Variants in PIBF1 observed in about 807,000 individuals in gnomAD.
PIBF1 encodes the protein progesterone-induced-blocking factor 1.
A neutral mutation model predicts 112.5 loss-of-function variants in PIBF1; 90 were observed. The ratio of observed to expected loss-of-function variants is 0.80; its 90% CI spans 0.67 to 0.95. PIBF1 has a LOEUF of 0.95. Ranked by LOEUF, PIBF1 falls within the 40% of genes least tolerant of loss-of-function variation. The probability of loss-of-function intolerance (pLI) is 0.00; values close to 1 mark genes in which losing one functional copy is unlikely to be tolerated. For missense variants in PIBF1, 915 were observed against 852.3 expected, an observed-to-expected ratio of 1.07 and a Z score of -0.92; for synonymous variants, 301 against 288.6, an observed-to-expected ratio of 1.04 and a Z score of -0.44.
intron 3 of PIBF1, among the ~76,000 whole-genome samples, chr13:72,794,643 T>G (rs912851241): frequency 1.3e-5 from 2 of 151,996 alleles, no homozygotes; most frequent in East Asian, 3.9e-4. Context: ...TAAATGGGAG[T>G]TCCCCTGCAC....
At chr13:72,828,954 A>T (rs1222666627) in intron 8 of PIBF1, among the ~76,000 whole-genome samples, 1 of 152,124 alleles carries the variant, frequency 6.6e-6, no homozygotes, top group African/African-American at 2.4e-5. Context: ...TTGTTTCCTG[A>T]CTTTTTAATG....
At chr13:72,981,154 A>G (rs1480243959) in intron 16 of PIBF1, among the ~76,000 whole-genome samples, 1 of 151,876 alleles carries the variant, frequency 6.6e-6, no homozygotes. Flanking sequence ...CTGCGGCAGG[A>G]GAATCACTTG....
intron 13 of PIBF1, among the ~76,000 whole-genome samples, chr13:72,919,472 G>A (rs1415760600): frequency 6.6e-6 from 1 of 152,106 alleles, no homozygotes; most frequent in Non-Finnish European, 1.5e-5. Flanking sequence ...GTCACAATGG[G>A]TAACCTAGGA....
In PIBF1 at chr13:72,885,232, C is replaced by T. The variant is rs542807424; in HGVS notation, c.1323-8552C>T. On this transcript the variant is annotated intron_variant, in intron 10 of 17. Coordinates refer to ENST00000326291, the MANE Select transcript of PIBF1 (RefSeq NM_006346.4). ...AGTTTAATCTTTTTTGTAGTTTGGACATACCTAACCTATAATCATTTTGGC... is the reference window on the plus strand; with the variant it reads ...AGTTTAATCTTTTTTGTAGTTTGGATATACCTAACCTATAATCATTTTGGC... Among the ~76,000 whole-genome samples the T allele has an allele frequency of 2.0e-5, 3 of 152,210 alleles. No homozygotes were observed. In the South Asian group the frequency reaches 6.2e-4, roughly 32 times the overall value.
At chr13:72,790,156 A>G (rs1444001541) in intron 2 of PIBF1, among the ~76,000 whole-genome samples, 4 of 152,134 alleles carry the variant, frequency 2.6e-5, no homozygotes, top group Admixed American at 6.6e-5. Context: ...CAGAAAAGCT[A>G]TTGGCAAAGT....
intron 5 of PIBF1, among the ~76,000 whole-genome samples, chr13:72,799,783 CTCAAGGACT>C (rs2035383178): frequency 6.6e-6 from 1 of 152,176 alleles, no homozygotes; most frequent in African/African-American, 2.4e-5. Context: ...CTCAGCATCC[CTCAAGGACT>C]TCTTACTGTG....
chr13:72,803,265 TTTG>T (rs1020086174), intron 5 of PIBF1, among the ~76,000 whole-genome samples: 13 of 132,294 alleles, frequency 9.8e-5, no homozygotes, highest in African/African-American at 1.7e-4. Context: ...TTTTTTGTTT[TTTG>T]TTTTTTTCCT....
chr13:72,988,825 T>G (rs2138994811), intron 16 of PIBF1, among the ~76,000 whole-genome samples: 1 of 152,144 alleles, frequency 6.6e-6, no homozygotes, highest in Admixed American at 6.5e-5. Context: ...TTGCTTGAGG[T>G]CAGGAGTTCA....
chr13:72,841,795 T>C (rs755194583), intron 9 of PIBF1, among the ~76,000 whole-genome samples: 2 of 152,032 alleles, frequency 1.3e-5, no homozygotes, highest in Non-Finnish European at 2.9e-5. Context: ...AACTAACTAA[T>C]AATACTTTTT....
In PIBF1 at chr13:72,902,358, C is replaced by G. The variant is rs2040525619; in HGVS notation, c.1489-6173C>G. On this transcript the variant is annotated intron_variant, in intron 11 of 17. Transcript: ENST00000326291. ...AGAACTTAACTTGTGTAACCAAATA[C>G]CACCTGTACCCCAATAACTTACGGA... Among the ~76,000 whole-genome samples the G allele has an allele frequency of 2.6e-5, 4 of 151,672 alleles. No homozygotes were observed. In the South Asian group the frequency reaches 8.3e-4, roughly 32 times the overall value.
intron 14 of PIBF1, among the ~76,000 whole-genome samples, chr13:72,958,186 T>C (rs538047010): frequency 2.0e-5 from 3 of 151,446 alleles, no homozygotes; most frequent in Non-Finnish European, 4.4e-5. Flanking sequence ...GATCCTGCCC[T>C]CAGAGGTTGT....
chr13:72,968,274 G>A (rs528174618), intron 15 of PIBF1, among the ~76,000 whole-genome samples: 2 of 151,388 alleles, frequency 1.3e-5, no homozygotes, highest in African/African-American at 2.4e-5. Flanking sequence ...TTGGGGTTTT[G>A]TTGTTGTTGT....
intron 10 of PIBF1, among the ~76,000 whole-genome samples, chr13:72,870,897 G>C (rs1441901491): frequency 6.6e-6 from 1 of 151,654 alleles, no homozygotes; most frequent in Non-Finnish European, 1.5e-5. Flanking sequence ...GATAAGGATA[G>C]ACAGTTTCAT....
At chr13:72,929,885 G>A (rs1026993165) in intron 13 of PIBF1, among the ~76,000 whole-genome samples, 2 of 151,980 alleles carry the variant, frequency 1.3e-5, no homozygotes, top group Non-Finnish European at 2.9e-5. Flanking sequence ...TTTAGAGACA[G>A]GGTCTCTGTG....
intron 16 of PIBF1, among the ~76,000 whole-genome samples, chr13:72,994,293 G>T (rs1414378067): frequency 6.6e-6 from 1 of 152,226 alleles, no homozygotes; most frequent in Non-Finnish European, 1.5e-5. Flanking sequence ...TAAGAAGCTA[G>T]ATAATATTAG....
chr13:72,998,248 T>G (rs1043071690), intron 16 of PIBF1, among the ~76,000 whole-genome samples: 4 of 152,162 alleles, frequency 2.6e-5, no homozygotes, highest in Non-Finnish European at 5.9e-5. Context: ...CAGTGGAAGG[T>G]AGCTATGCCA....
chr13:72,913,309 T>G (rs1217418506), intron 12 of PIBF1, among the ~76,000 whole-genome samples: 1 of 152,180 alleles, frequency 6.6e-6, no homozygotes, highest in Non-Finnish European at 1.5e-5. Context: ...ACAAATCTTA[T>G]TTTTTAGAAA....
At position 72,935,752 on chromosome 13, in the gene PIBF1, G is replaced by A. The variant is rs143188254; in HGVS notation, c.1833+4485G>A. Reference sequence around the variant, plus strand: ...AATGGGTGTGTAGTGGCATATTAGTGTGGTTTTAATTTGCATTTCTCTAAT... The same window carrying A: ...AATGGGTGTGTAGTGGCATATTAGTATGGTTTTAATTTGCATTTCTCTAAT... On this transcript the variant is annotated intron_variant, in intron 14 of 17. Transcript: ENST00000326291. 4.0e-3 allele frequency among the ~76,000 whole-genome samples: 605 copies of A among 152,204 alleles called. 8 individuals carry two copies. Among genetic ancestry groups the A allele is most frequent in the Non-Finnish European group, 4.0e-3 (272 of 67,994 alleles).
chr13:73,009,491 A>G (rs971694519), intron 17 of PIBF1, among the ~76,000 whole-genome samples: 1 of 152,194 alleles, frequency 6.6e-6, no homozygotes, highest in Non-Finnish European at 1.5e-5. Context: ...CAGAGTAGTT[A>G]GTCAAATAAA....
Sources: allele counts gnomAD v4.1 joint callset (sites outside exome capture counted in the v4.1 genomes callset), GRCh38; gene constraint gnomAD v4.1.1; transcripts MANE v1.5; gene names NCBI Gene and HGNC (gene_info 2026-07-23, HGNC 2026-07-21).